Variants in CXCL16 observed in about 807,000 individuals in gnomAD.
CXCL16 encodes the protein C-X-C motif chemokine 16.
Under a neutral mutation model 23.8 loss-of-function variants are expected in CXCL16, and 18 were observed. The ratio of observed to expected loss-of-function variants is 0.76; its 90% CI spans 0.52 to 1.12. CXCL16 has a LOEUF of 1.12. CXCL16 is among the 50% of genes most tolerant of loss of function. The pLI, the probability that CXCL16 is intolerant of heterozygous loss-of-function variation, is 0.00. For missense variants in CXCL16, 297 were observed against 315.4 expected, an observed-to-expected ratio of 0.94 and a Z score of 0.44; for synonymous variants, 123 against 132.5, an observed-to-expected ratio of 0.93 and a Z score of 0.49.
rs1229698028 is a variant in CXCL16, at chr17:4,738,343, A to G, written c.301+65T>C. Reference sequence around the variant, plus strand: ...CCAGGGGAAAAGGCTCAGGTAAAGAAAACTGTCAGGTGGAAGCTGCTAAGC... The same window carrying G: ...CCAGGGGAAAAGGCTCAGGTAAAGAGAACTGTCAGGTGGAAGCTGCTAAGC... On this transcript the variant is annotated intron_variant, in intron 3 of 5. Transcript: ENST00000293778. The surrounding 1 kb of genome is among the most constrained non-coding windows in gnomAD (Gnocchi z 4.0). 7.7e-7 allele frequency: 1 copy of G among 1,303,528 alleles called. No homozygotes were observed. The highest frequency in any genetic ancestry group is 1.1e-6 in the Non-Finnish European group (1 of 899,232). The allele number at this position is 1,303,528 out of a possible 1,614,324, so 80.7% of individuals were successfully genotyped here. A position where few individuals can be genotyped will look rare whatever the true frequency, so the allele number is the denominator to read the frequency against.
Position 4,739,345 on chromosome 17 carries a change from G to A in CXCL16, c.-6C>T. 6.2e-7 allele frequency: 1 copy of A among 1,613,298 alleles called. No homozygotes were observed. The highest frequency in any genetic ancestry group is 1.1e-5 in the South Asian group (1 of 91,012). On this transcript the variant is annotated 5_prime_UTR_variant, in exon 1 of 6. Transcript: ENST00000293778. The surrounding 1 kb of genome is among the most constrained non-coding windows in gnomAD (Gnocchi z 5.3). Reference sequence around the variant, plus strand: ...GGCCGCAAGTCCCGTCCCATCTCGGGGCTCCGCGGACTCTGCGGGGATGGA... The same window carrying A: ...GGCCGCAAGTCCCGTCCCATCTCGGAGCTCCGCGGACTCTGCGGGGATGGA...
chr17:4,735,319 A>C lies in CXCL16; in HGVS notation c.491T>G (p.Leu164Arg). The C allele has an allele frequency of 6.2e-7, 1 of 1,613,268 alleles. No individual in the cohort carries two copies. Among genetic ancestry groups the C allele is most frequent in the Non-Finnish European group, 8.5e-7 (1 of 1,179,416 alleles). The change falls in exon 4 of 6, where the codon CTC becomes CGC. Residue 164 changes from leucine (L) to arginine (R), a missense_variant. Physicochemically the swap from Leu to Arg is moderately radical, Grantham distance 102. Transcript: ENST00000293778. The part of the protein sequence containing the change: ...PVGSLSSDKE[L>R]TRPNETTIHT... ...AATGGTGGTTTCATTGGGACGAGTGAGCTCTTTGTCCGAGGACAGTGATCC... is the reference window on the plus strand; with the variant it reads ...AATGGTGGTTTCATTGGGACGAGTGCGCTCTTTGTCCGAGGACAGTGATCC...
chr17:4,735,426 C>T lies in CXCL16; in HGVS notation c.384G>A (p.Glu128=). 6.6e-7 allele frequency: 1 copy of T among 1,526,322 alleles called. No individual in the cohort carries two copies. Among genetic ancestry groups the T allele is most frequent in the Non-Finnish European group, 8.8e-7 (1 of 1,132,744 alleles). The allele number at this position is 1,526,322 out of a possible 1,614,324, so 94.5% of individuals were successfully genotyped here. A position where few individuals can be genotyped will look rare whatever the true frequency, so the allele number is the denominator to read the frequency against. ...PTSPPISQAS[E]GASSDIHTPA... is the part of the protein sequence containing the mutation. ...GGGTGTGGATATCTGAAGATGCCCC[C>T]TCTGAGGCCTGAGAAATTGGGGGGC... Residue 128 remains glutamate, a synonymous_variant, in exon 4 of 6, where the codon GAG becomes GAA. Coordinates refer to ENST00000293778, the MANE Select transcript of CXCL16 (RefSeq NM_001386809.1).
rs1326549274 is a variant in CXCL16, at chr17:4,739,589, C to G, written c.-250G>C. On this transcript the variant is annotated 5_prime_UTR_variant, in exon 1 of 6. Coordinates refer to ENST00000293778, the MANE Select transcript of CXCL16 (RefSeq NM_001386809.1). The surrounding 1 kb of genome is among the most constrained non-coding windows in gnomAD (Gnocchi z 5.3). The stretch of plus-strand genomic sequence containing the variant: ...AGCCGAGGAGGTGGAGCTCCCGCGC[C>G]CTGCGCCCCCGCACTGGGCCCGGCT... The G allele has an allele frequency of 3.0e-6, 2 of 664,220 alleles. No homozygotes were observed. The highest frequency in any genetic ancestry group is 1.9e-5 in the African/African-American group (1 of 51,530). 41.1% of individuals were successfully genotyped at this position (664,220 alleles called of 1,614,324 possible).
chr17:4,737,394 A>G (rs927181784), intron 3 of CXCL16, among the ~76,000 whole-genome samples: 3 of 146,720 alleles, frequency 2.0e-5, no homozygotes, highest in African/African-American at 7.3e-5. Context: ...CCTGACCAAC[A>G]CGGTGAAACC....
Position 4,738,391 on chromosome 17 carries a change from C to G in CXCL16, c.301+17G>C. 1 of 1,603,062 alleles carries G rather than the reference C, an allele frequency of 6.2e-7. No homozygotes were observed. The highest frequency in any genetic ancestry group is 1.3e-5 in the African/African-American group (1 of 74,842). ...AGCCCTGGAGGCAGAGCCTGAAGAGCAGTGGAAAAGTCTCACCTTTGAGAT... is the reference window on the plus strand; with the variant it reads ...AGCCCTGGAGGCAGAGCCTGAAGAGGAGTGGAAAAGTCTCACCTTTGAGAT... On this transcript the variant is annotated intron_variant, in intron 3 of 5. Coordinates refer to ENST00000293778, the MANE Select transcript of CXCL16 (RefSeq NM_001386809.1). The surrounding 1 kb of genome is among the most constrained non-coding windows in gnomAD (Gnocchi z 4.0).
Position 4,738,702 on chromosome 17 carries a change from G to T in CXCL16, c.218+80C>A. 2 of 1,456,650 alleles carry T rather than the reference G, an allele frequency of 1.4e-6. No individual in the cohort carries two copies. The highest frequency in any genetic ancestry group is 1.9e-6 in the Non-Finnish European group (2 of 1,058,528). 90.2% of individuals were successfully genotyped at this position (1,456,650 alleles called of 1,614,324 possible). A position where few individuals can be genotyped will look rare whatever the true frequency, so the allele number is the denominator to read the frequency against. On this transcript the variant is annotated intron_variant, in intron 2 of 5. Coordinates refer to ENST00000293778, the MANE Select transcript of CXCL16 (RefSeq NM_001386809.1). This position sits in a 1 kb window ranked among gnomAD's most constrained non-coding sequence, Gnocchi z 4.0. The stretch of plus-strand genomic sequence containing the variant: ...CTCGGTGAGCCGGGAAGGAGTTCAG[G>T]CTGGACCAGAGAGGGTCCTGGAGGC...
rs752321474 is a variant in CXCL16 at position 4,738,385 on chromosome 17, G to A, written c.301+23C>T. 2 of 1,595,650 alleles carry A rather than the reference G, an allele frequency of 1.3e-6. No individual in the cohort carries two copies. Among genetic ancestry groups the A allele is most frequent in the South Asian group, 2.2e-5 (2 of 90,704 alleles). The stretch of plus-strand genomic sequence containing the variant: ...CTGCTAAGCCCTGGAGGCAGAGCCT[G>A]AAGAGCAGTGGAAAAGTCTCACCTT... On this transcript the variant is annotated intron_variant, in intron 3 of 5. Transcript: ENST00000293778. The surrounding 1 kb of genome is among the most constrained non-coding windows in gnomAD (Gnocchi z 4.0).
chr17:4,739,158 G>A lies in CXCL16; in HGVS notation c.79+103C>T, dbSNP rs189291033. 1.1e-5 allele frequency: 16 copies of A among 1,425,120 alleles called. No homozygotes were observed. The highest frequency in any genetic ancestry group is 1.5e-5 in the Non-Finnish European group (16 of 1,048,384). The allele number at this position is 1,425,120 out of a possible 1,614,324, so 88.3% of individuals were successfully genotyped here. On this transcript the variant is annotated intron_variant, in intron 1 of 5. Transcript: ENST00000293778. The surrounding 1 kb of genome is among the most constrained non-coding windows in gnomAD (Gnocchi z 5.3). Reference sequence around the variant, plus strand: ...GCTGGCTGGCTTTCCTCTTGTCCCCGCTGCCTTCATCCACTCAACTCCGTG... The same window carrying A: ...GCTGGCTGGCTTTCCTCTTGTCCCCACTGCCTTCATCCACTCAACTCCGTG...
rs1286379588 is a variant in CXCL16 at position 4,738,650 on chromosome 17, G to A, written c.218+132C>T. ...ACGGAGTCATGAAGTTTCGGGGAAT[G>A]AGAGCAAACGGAACCCGGAGATGGG... On this transcript the variant is annotated intron_variant, in intron 2 of 5. Transcript: ENST00000293778. The surrounding 1 kb of genome is among the most constrained non-coding windows in gnomAD (Gnocchi z 4.0). 9.2e-7 allele frequency: 1 copy of A among 1,087,804 alleles called. No homozygotes were observed. The highest frequency in any genetic ancestry group is 1.6e-5 in the African/African-American group (1 of 63,912). 67.4% of individuals were successfully genotyped at this position (1,087,804 alleles called of 1,614,324 possible).
Position 4,738,592 on chromosome 17 carries a change from C to T in CXCL16, c.219-102G>A, listed in dbSNP as rs1250222912. On this transcript the variant is annotated intron_variant, in intron 2 of 5. Coordinates refer to ENST00000293778, the MANE Select transcript of CXCL16 (RefSeq NM_001386809.1). The surrounding 1 kb of genome is among the most constrained non-coding windows in gnomAD (Gnocchi z 4.0). The stretch of plus-strand genomic sequence containing the variant: ...AGTTGCCACCAAGAAAGAGCCCTTT[C>T]TCCTGGGACTGGGAAACTCCCCAGT... 4.7e-6 allele frequency: 5 copies of T among 1,068,184 alleles called. No individual in the cohort carries two copies. The highest frequency in any genetic ancestry group is 6.9e-6 in the Non-Finnish European group (5 of 725,662). 66.2% of individuals were successfully genotyped at this position (1,068,184 alleles called of 1,614,324 possible).
At position 4,735,444 on chromosome 17, in the gene CXCL16, TGGG is replaced by T. The variant is rs781441154; in HGVS notation, c.363_365del (p.Pro122del). On this transcript the variant is annotated inframe_deletion, in exon 4 of 6. Transcript: ENST00000293778. Reference sequence around the variant, plus strand: ...ATGCCCCCTCTGAGGCCTGAGAAATTGGGGGGCTGGTAGGAAGTAAATGCTTCT... The same window carrying T: ...ATGCCCCCTCTGAGGCCTGAGAAATTGGGCTGGTAGGAAGTAAATGCTTCT... The T allele has an allele frequency of 6.6e-6, 10 of 1,513,866 alleles. No individual in the cohort carries two copies. In the Admixed American group the frequency reaches 2.2e-4, roughly 33 times the overall value. The allele number at this position is 1,513,866 out of a possible 1,614,324, so 93.8% of individuals were successfully genotyped here. A position where few individuals can be genotyped will look rare whatever the true frequency, so the allele number is the denominator to read the frequency against.
At chr17:4,734,772 G>A (rs1051007618) in intron 4 of CXCL16, 120 bp from the exon 5 acceptor site, 13 of 875,892 alleles carry the variant, frequency 1.5e-5, no homozygotes, top group African/African-American at 3.3e-5. Context: ...CCCACAGTAG[G>A]TGCTCAGTGA....
At chr17:4,737,123 A>C (rs1916175920) in intron 3 of CXCL16, among the ~76,000 whole-genome samples, 1 of 152,044 alleles carries the variant, frequency 6.6e-6, no homozygotes, top group African/African-American at 2.4e-5. Flanking sequence ...GCCTCTACTT[A>C]AGTTTTCAAA....
chr17:4,738,731 T>C lies in CXCL16; in HGVS notation c.218+51A>G. On this transcript the variant is annotated intron_variant, in intron 2 of 5. Coordinates refer to ENST00000293778, the MANE Select transcript of CXCL16 (RefSeq NM_001386809.1). This position sits in a 1 kb window ranked among gnomAD's most constrained non-coding sequence, Gnocchi z 4.0. ...GACCAGAGAGGGTCCTGGAGGCACC[T>C]GCAAGGAGGGGCCGCCCAGGCGCTG... 6.3e-7 allele frequency: 1 copy of C among 1,597,912 alleles called. No individual in the cohort carries two copies. The highest frequency in any genetic ancestry group is 8.6e-7 in the Non-Finnish European group (1 of 1,168,950).
intron 3 of CXCL16, 115 bp from the exon 4 acceptor site, chr17:4,735,623 C>T (rs1916134369): frequency 1.6e-5 from 10 of 615,360 alleles, no homozygotes; most frequent in Non-Finnish European, 2.3e-5. Flanking sequence ...AGGGTCAAGG[C>T]TGATACCCCT....
rs1484390607 is a variant in CXCL16 at position 4,739,248 on chromosome 17, G to A, written c.79+13C>T. On this transcript the variant is annotated intron_variant, in intron 1 of 5. Coordinates refer to ENST00000293778, the MANE Select transcript of CXCL16 (RefSeq NM_001386809.1). The surrounding 1 kb of genome is among the most constrained non-coding windows in gnomAD (Gnocchi z 5.3). ...CAGGGGAATCTGGGTCCCCTGCCCC[G>A]CCCCCGGCTAACCTGGCTGAGTCAG... The A allele has an allele frequency of 2.5e-6, 4 of 1,586,226 alleles. No individual in the cohort carries two copies. The highest frequency in any genetic ancestry group is 4.6e-5 in the East Asian group (2 of 43,550).
In CXCL16 at chr17:4,734,706, G is replaced by C. The variant is rs879310125; in HGVS notation, c.719-54C>G. 7.1e-5 allele frequency: 103 copies of C among 1,452,044 alleles called. No individual in the cohort carries two copies. The Admixed American group carries it at 9.4e-4, about 13-fold the overall frequency. The allele number at this position is 1,452,044 out of a possible 1,614,324, so 89.9% of individuals were successfully genotyped here. ...AGCTCTGAGATCAAGGACAGTGTTTGGGGGATGATAGCTTGAACTAGGGAA... is the reference window on the plus strand; with the variant it reads ...AGCTCTGAGATCAAGGACAGTGTTTCGGGGATGATAGCTTGAACTAGGGAA... On this transcript the variant is annotated intron_variant, in intron 4 of 5. Transcript: ENST00000293778.
Position 4,734,353 on chromosome 17 carries a change from A to G in CXCL16, c.*150T>C. On this transcript the variant is annotated 3_prime_UTR_variant, in exon 6 of 6. Transcript: ENST00000293778. ...GTGGCTGGTTAGTCCTATGTTAGAT[A>G]TTAACAAATACGTGTAGGCTGGATG... is the stretch of plus-strand genomic sequence containing the variant. 1 of 401,646 alleles carries G rather than the reference A, an allele frequency of 2.5e-6. No individual in the cohort carries two copies. Among genetic ancestry groups the G allele is most frequent in the East Asian group, 5.2e-5 (1 of 19,220 alleles). 24.9% of individuals were successfully genotyped at this position (401,646 alleles called of 1,614,324 possible).
Sources: gnomAD v4.1 joint callset for allele counts (sites outside exome capture counted in the v4.1 genomes callset) on GRCh38, gnomAD v4.1.1 for gene constraint, Gnocchi (gnomAD v3.1) non-coding constraint, MANE v1.5 for transcripts, NCBI Gene and HGNC (gene_info 2026-07-23, HGNC 2026-07-21) for gene names.